The following TCF4 variants were observed in gnomAD, a reference collection of about 807,000 sequenced individuals.
TCF4 encodes the protein SL3-3 enhancer factor 2.
TCF4 carries 3 observed loss-of-function variants against 82.1 expected under a neutral mutation model. The observed-to-expected ratio is 0.04, with a 90% CI of 0.02 to 0.09. The LOEUF is 0.09. Ranked by LOEUF, TCF4 falls within the 10% of genes least tolerant of loss-of-function variation. TCF4 has a pLI of 1.00. For synonymous variants in TCF4, 276 were observed against 309.6 expected, an observed-to-expected ratio of 0.89 and a Z score of 1.14; for missense variants, 518 against 852.7, an observed-to-expected ratio of 0.61 and a Z score of 4.89.
At chr18:55,399,471 G>C (rs1010019934) in intron 6 of TCF4, among the ~76,000 whole-genome samples, 1 of 152,160 alleles carries the variant, frequency 6.6e-6, no homozygotes, top group African/African-American at 2.4e-5. Context: ...ATTTGGATGA[G>C]GTTAAAGCCT....
intron 8 of TCF4, among the ~76,000 whole-genome samples, chr18:55,333,167 A>G (rs2077927261): frequency 6.6e-6 from 1 of 152,222 alleles, no homozygotes; most frequent in Non-Finnish European, 1.5e-5. Context: ...ACTCATTGAT[A>G]TCAAAGAGAC....
chr18:55,463,991 A>C, intron 4 of TCF4, 85 bp downstream of exon 4: 1 of 1,234,354 alleles, frequency 8.1e-7, no homozygotes, highest in Non-Finnish European at 1.2e-6. Flanking sequence ...AGAGAGAGAG[A>C]GAGAGAGAGA....
intron 3 of TCF4, among the ~76,000 whole-genome samples, chr18:55,569,637 TAGAAAC>T (rs1478383734): frequency 6.6e-6 from 1 of 151,964 alleles, no homozygotes; most frequent in Non-Finnish European, 1.5e-5. Context: ...CTGGTAATAA[TAGAAAC>T]AGAAAAATAA....
chr18:55,495,020 T>C (rs1331921754), intron 3 of TCF4, among the ~76,000 whole-genome samples: 5 of 147,304 alleles, frequency 3.4e-5, no homozygotes, highest in Non-Finnish European at 6.0e-5. Flanking sequence ...GAAGTGGGAG[T>C]CTTTACTCTC....
intron 5 of TCF4, among the ~76,000 whole-genome samples, chr18:55,452,172 G>A (rs2095636850): frequency 6.6e-6 from 1 of 152,128 alleles, no homozygotes; most frequent in South Asian, 2.1e-4. Context: ...TCTGATTCAT[G>A]ACATGAGACT....
rs940340908 is a variant in TCF4, at chr18:55,321,431, T to C, written c.549+28928A>G. 70 of 624,736 alleles carry C rather than the reference T, an allele frequency of 1.1e-4. 1 individual carries two copies. The South Asian group carries it at 1.2e-3, about 10-fold the overall frequency. 38.7% of individuals were successfully genotyped at this position (624,736 alleles called of 1,614,324 possible). A position where few individuals can be genotyped will look rare whatever the true frequency, so the allele number is the denominator to read the frequency against. On this transcript the variant is annotated intron_variant, in intron 8 of 19. Transcript: ENST00000354452. ...AACTTTCGCTCTAGGATCCACTCTC[T>C]AAAGCTCTGAAAGCATCTATTTTTC...
chr18:55,464,783 T>C (rs930142410), intron 3 of TCF4, among the ~76,000 whole-genome samples: 1 of 152,196 alleles, frequency 6.6e-6, no homozygotes. Flanking sequence ...GGTTTTGATA[T>C]GTGGAAATGA....
At position 55,468,891 on chromosome 18, in the gene TCF4, C is replaced by A. The variant is rs79491093; in HGVS notation, c.146-4754G>T. Among the ~76,000 whole-genome samples, 272 of 127,752 alleles carry A rather than the reference C, an allele frequency of 2.1e-3. 2 individuals carry two copies. Among genetic ancestry groups the A allele is most frequent in the African/African-American group, 6.6e-3 (217 of 32,972 alleles). 83.8% of individuals were successfully genotyped at this position (127,752 alleles called of 152,430 possible). The stretch of plus-strand genomic sequence containing the variant: ...ATCTATTTAGTTCTCGCCCCCCCCC[C>A]CCTTGTTCTATTGCCACCCTTTTTC... On this transcript the variant is annotated intron_variant, in intron 3 of 19. Coordinates refer to ENST00000354452, the MANE Select transcript of TCF4 (RefSeq NM_001083962.2).
At chr18:55,589,898 C>A (rs1648090986), upstream of TCF4, 2 of 952,546 alleles carry the variant, frequency 2.1e-6, no homozygotes, top group Non-Finnish European at 2.5e-6. Flanking sequence ...GTAAACAGAG[C>A]GCCTAGAGAG....
At chr18:55,303,407 CTT>C (rs1568863633) in intron 8 of TCF4, among the ~76,000 whole-genome samples, 1 of 152,166 alleles carries the variant, frequency 6.6e-6, no homozygotes, top group East Asian at 1.9e-4. Context: ...TCTATTTAAA[CTT>C]TTGCCTTCGT....
Position 55,570,838 on chromosome 18 carries a change from C to A in TCF4, c.145+14442G>T, listed in dbSNP as rs117333524. Among the ~76,000 whole-genome samples the A allele has an allele frequency of 1.9e-4, 27 of 141,040 alleles. No individual in the cohort carries two copies. The East Asian group carries it at 5.2e-3, about 27-fold the overall frequency. The allele number at this position is 141,040 out of a possible 152,430, so 92.5% of individuals were successfully genotyped here. On this transcript the variant is annotated intron_variant, in intron 3 of 19. Transcript: ENST00000354452. ...GAGACCAGACAGTGAGCCGAGGTTGCAAAACTGCCCTCCAAGCCTGAGCAA... is the reference window on the plus strand; with the variant it reads ...GAGACCAGACAGTGAGCCGAGGTTGAAAAACTGCCCTCCAAGCCTGAGCAA...
At chr18:55,237,411 T>C (rs2049806150) in intron 15 of TCF4, among the ~76,000 whole-genome samples, 1 of 151,924 alleles carries the variant, frequency 6.6e-6, no homozygotes, top group Admixed American at 6.6e-5. Context: ...CTATAGATCA[T>C]CTTAAATAAT....
intron 3 of TCF4, among the ~76,000 whole-genome samples, chr18:55,512,684 G>A (rs1209539117): frequency 6.6e-6 from 1 of 152,008 alleles, no homozygotes; most frequent in Non-Finnish European, 1.5e-5. Context: ...ATATAGATGA[G>A]CCAAGAAGGC....
intron 8 of TCF4, among the ~76,000 whole-genome samples, chr18:55,299,256 C>T (rs1156280088): frequency 3.3e-5 from 5 of 151,820 alleles, no homozygotes; most frequent in African/African-American, 9.7e-5. Context: ...ACTAAAAATA[C>T]AAAAAATTAG....
At chr18:55,578,739 A>G (rs2097550604) in intron 3 of TCF4, among the ~76,000 whole-genome samples, 2 of 152,098 alleles carry the variant, frequency 1.3e-5, no homozygotes, top group African/African-American at 4.8e-5. Flanking sequence ...ACTGCCGCAC[A>G]TGTGAAGGGG....
At chr18:55,247,686 T>C (rs1187208219) in intron 15 of TCF4, among the ~76,000 whole-genome samples, 2 of 152,204 alleles carry the variant, frequency 1.3e-5, no homozygotes, top group Non-Finnish European at 2.9e-5. Flanking sequence ...CTAGGGAGAA[T>C]GCACTGGGAA....
At chr18:55,510,660 C>G in intron 3 of TCF4, 1 of 1,492,814 alleles carries the variant, frequency 6.7e-7, no homozygotes, top group Non-Finnish European at 8.9e-7. Context: ...AATACTACTT[C>G]GTAAACTTTT....
intron 11 of TCF4, chr18:55,269,417 G>A: frequency 3.5e-6 from 1 of 284,250 alleles, no homozygotes; most frequent in South Asian, 3.9e-5. Context: ...GAAGACAGTG[G>A]CACATCATGG....
chr18:55,281,478 T>C (rs1423139684), intron 8 of TCF4, among the ~76,000 whole-genome samples: 1 of 152,152 alleles, frequency 6.6e-6, no homozygotes, highest in Non-Finnish European at 1.5e-5. Context: ...AGTATTAACA[T>C]AAGCTAAGTG....
Sources: gnomAD v4.1 joint callset for allele counts (sites outside exome capture counted in the v4.1 genomes callset) on GRCh38, gnomAD v4.1.1 for gene constraint, MANE v1.5 for transcripts, NCBI Gene and HGNC (gene_info 2026-07-23, HGNC 2026-07-21) for gene names.